The following ZNF536 variants were observed in gnomAD, a reference collection of about 807,000 sequenced individuals.
The protein encoded by ZNF536 is zinc finger protein 536.
In ZNF536, 13 loss-of-function variants were observed where a neutral mutation model predicts 84.5. The ratio of observed to expected loss-of-function variants is 0.15; its 90% CI spans 0.10 to 0.24. ZNF536 has a LOEUF of 0.24. ZNF536 is among the 10% of genes least tolerant of loss of function. ZNF536 has a pLI of 1.00. For synonymous variants in ZNF536, 811 were observed against 742.5 expected, an observed-to-expected ratio of 1.09 and a Z score of -1.50; for missense variants, 1,536 against 1,747.5, an observed-to-expected ratio of 0.88 and a Z score of 2.16.
chr19:30,464,358 C>T (rs575611755), intron 2 of ZNF536, among the ~76,000 whole-genome samples: 5 of 152,268 alleles, frequency 3.3e-5, no homozygotes, highest in African/African-American at 4.8e-5. Flanking sequence ...GACCAGACGG[C>T]GCTGGGCCCT....
At chr19:30,523,070 A>G (rs2044430264) in intron 2 of ZNF536, among the ~76,000 whole-genome samples, 1 of 152,056 alleles carries the variant, frequency 6.6e-6, no homozygotes, top group East Asian at 1.9e-4. Flanking sequence ...TGGACTTTTC[A>G]GGGAAGGATC....
downstream of ZNF536, among the ~76,000 whole-genome samples, chr19:30,559,516 C>A (rs534815629): frequency 6.6e-6 from 1 of 152,282 alleles, no homozygotes; most frequent in Non-Finnish European, 1.5e-5. Flanking sequence ...GCCTTTTTCT[C>A]GGGGCCTCTG....
chr19:30,478,161 T>G (rs1332724480), intron 2 of ZNF536, among the ~76,000 whole-genome samples: 2 of 151,572 alleles, frequency 1.3e-5, no homozygotes, highest in African/African-American at 4.8e-5. Context: ...TGGTGTTTTT[T>G]TTTTTTTTTT....
At chr19:30,685,024 C>G (rs1178402364) in intron 1 of ZNF536, among the ~76,000 whole-genome samples, 2 of 152,190 alleles carry the variant, frequency 1.3e-5, no homozygotes, top group African/African-American at 4.8e-5. Context: ...TACTTAATAC[C>G]TCTGCCCTCT....
At chr19:30,639,233 C>T (rs886947505) in intron 1 of ZNF536, among the ~76,000 whole-genome samples, 1 of 152,152 alleles carries the variant, frequency 6.6e-6, no homozygotes, top group Non-Finnish European at 1.5e-5. Flanking sequence ...ATGTGAACCA[C>T]CCACGTCATT....
chr19:30,356,021 C>T (rs34916374), intron 3 of ZNF536, among the ~76,000 whole-genome samples: 43,690 of 152,142 alleles, frequency 0.29, 6,372 homozygotes, highest in Middle Eastern at 0.47. Context: ...GCCACTGTGC[C>T]TGGCCCAGAG....
In ZNF536 at chr19:30,344,661, C is replaced by T. The variant is rs926255779; in HGVS notation, c.-119-7707C>T. Among the ~76,000 whole-genome samples, 10 of 129,218 alleles carry T rather than the reference C, an allele frequency of 7.7e-5. No individual in the cohort carries two copies. The Admixed American group carries it at 8.4e-4, about 11-fold the overall frequency. 84.8% of individuals were successfully genotyped at this position (129,218 alleles called of 152,430 possible). ...AGCGAGTCCCTCGCTTGGGCTGGAGCAGAGCAGGCAGGCCATTTTTTTTTA... is the reference window on the plus strand; with the variant it reads ...AGCGAGTCCCTCGCTTGGGCTGGAGTAGAGCAGGCAGGCCATTTTTTTTTA... On this transcript the variant is annotated intron_variant, in intron 2 of 5. Coordinates refer to the ZNF536 transcript ENST00000585628.
chr19:30,482,414 C>T (rs1326583264), intron 2 of ZNF536, among the ~76,000 whole-genome samples: 1 of 152,134 alleles, frequency 6.6e-6, no homozygotes, highest in Non-Finnish European at 1.5e-5. Context: ...TGGATTTGAG[C>T]CGGTCTGTTT....
At chr19:30,292,761 G>A (rs890330470) in intron 2 of ZNF536, among the ~76,000 whole-genome samples, 2 of 152,182 alleles carry the variant, frequency 1.3e-5, no homozygotes, top group Non-Finnish European at 2.9e-5. Flanking sequence ...GGAAGGAGAT[G>A]TTAGGTGAGC....
chr19:30,696,227 C>G (rs946902654), intron 1 of ZNF536, among the ~76,000 whole-genome samples: 3 of 152,140 alleles, frequency 2.0e-5, no homozygotes, highest in Non-Finnish European at 4.4e-5. Flanking sequence ...CCCCAGCCCC[C>G]GCAATGTTGG....
At chr19:30,706,361 CGT>C (rs1408615133) in intron 1 of ZNF536, among the ~76,000 whole-genome samples, 1 of 151,726 alleles carries the variant, frequency 6.6e-6, no homozygotes, top group Non-Finnish European at 1.5e-5. Context: ...GTGGCGGGTG[CGT>C]GTAGTCCCAG....
intron 2 of ZNF536, among the ~76,000 whole-genome samples, chr19:30,284,744 C>A (rs2045570983): frequency 6.6e-6 from 1 of 152,194 alleles, no homozygotes; most frequent in African/African-American, 2.4e-5. Flanking sequence ...TGTTAACTCA[C>A]CCTCGGTTGT....
At chr19:30,367,797 C>T (rs1029725547), upstream of ZNF536, among the ~76,000 whole-genome samples, 3 of 152,146 alleles carry the variant, frequency 2.0e-5, no homozygotes, top group Non-Finnish European at 4.4e-5. Context: ...GGAATGACAC[C>T]GATGAGTAGA....
intron 2 of ZNF536, among the ~76,000 whole-genome samples, chr19:30,291,747 T>A (rs1469906281): frequency 6.6e-6 from 1 of 152,230 alleles, no homozygotes; most frequent in Non-Finnish European, 1.5e-5. Context: ...CCAGCACTTG[T>A]TTTTTCCATT....
At chr19:30,426,005 G>T (rs978174705) in intron 1 of ZNF536, among the ~76,000 whole-genome samples, 2 of 152,122 alleles carry the variant, frequency 1.3e-5, no homozygotes, top group East Asian at 1.9e-4. Flanking sequence ...CATTTTCAGG[G>T]TTCCCCTCCC....
chr19:30,675,271 A>G (rs2050712576), intron 1 of ZNF536, among the ~76,000 whole-genome samples: 1 of 152,196 alleles, frequency 6.6e-6, no homozygotes, highest in Non-Finnish European at 1.5e-5. Flanking sequence ...TAAACAGGCA[A>G]ATGGATTTGC....
intron 1 of ZNF536, among the ~76,000 whole-genome samples, chr19:30,697,274 C>T (rs949761548): frequency 5.3e-5 from 8 of 152,128 alleles, no homozygotes; most frequent in Admixed American, 1.3e-4. Context: ...ACCTAGGGAT[C>T]GCAATTCAAG....
At chr19:30,348,075 C>T (rs188570539) in intron 2 of ZNF536, among the ~76,000 whole-genome samples, 3 of 152,236 alleles carry the variant, frequency 2.0e-5, no homozygotes. Context: ...TATGCATTTA[C>T]CCATTAATTC....
At chr19:30,518,815 G>A (rs1454476485) in intron 2 of ZNF536, among the ~76,000 whole-genome samples, 1 of 152,168 alleles carries the variant, frequency 6.6e-6, no homozygotes, top group African/African-American at 2.4e-5. Context: ...GTGAGCCTTA[G>A]CAGTCAGTGT....
Sources: gnomAD v4.1 joint callset for allele counts (sites outside exome capture counted in the v4.1 genomes callset) on GRCh38, gnomAD v4.1.1 for gene constraint, MANE v1.5 for transcripts, NCBI Gene and HGNC (gene_info 2026-07-23, HGNC 2026-07-21) for gene names.